The following CUX2 variants were observed in gnomAD, a reference collection of about 807,000 sequenced individuals.
The protein encoded by CUX2 is homeobox protein cut-like 2.
Under a neutral mutation model 144.8 loss-of-function variants are expected in CUX2, and 40 were observed. The observed-to-expected ratio is 0.28, with a 90% CI of 0.21 to 0.36. CUX2 has a LOEUF of 0.36. Ranked by LOEUF, CUX2 falls within the 10% of genes least tolerant of loss-of-function variation. The probability of loss-of-function intolerance (pLI) is 1.00; values close to 1 mark genes in which losing one functional copy is unlikely to be tolerated. For synonymous variants in CUX2, 827 were observed against 875.6 expected (o/e 0.94, Z 0.98); for missense variants, 1,615 against 1,994.0 (o/e 0.81, Z 3.62).
rs1192114450 is a variant in CUX2 at position 111,287,053 on chromosome 12, G to A, written c.302-4365G>A. ...AAAAGACAGAGCTTTGAAATCTATGGACCTGAATCAAAGGTCCAGCCAGCC... is the reference window on the plus strand; with the variant it reads ...AAAAGACAGAGCTTTGAAATCTATGAACCTGAATCAAAGGTCCAGCCAGCC... On this transcript the variant is annotated intron_variant, in intron 4 of 21. Coordinates refer to ENST00000261726, the MANE Select transcript of CUX2 (RefSeq NM_015267.4). This position sits in a 1 kb window ranked among gnomAD's most constrained non-coding sequence, Gnocchi z 4.2. Among the ~76,000 whole-genome samples, 1 of 152,144 alleles carries A rather than the reference G, an allele frequency of 6.6e-6. No individual in the cohort carries two copies. Among genetic ancestry groups the A allele is most frequent in the Admixed American group, 6.5e-5 (1 of 15,274 alleles).
At position 111,034,249 on chromosome 12, in the gene CUX2, G is replaced by A. The variant is rs367566718; in HGVS notation, c.63+9G>A. On this transcript the variant is annotated intron_variant, in intron 1 of 21. Transcript: ENST00000261726. The surrounding 1 kb of genome is among the most constrained non-coding windows in gnomAD (Gnocchi z 4.2). ...ATCTACGGCGACTCCAGGTTAGTGC[G>A]GGCAGCGCCGGCCGCGCGGCCGTGA... The A allele has an allele frequency of 7.4e-6, 10 of 1,351,916 alleles. No homozygotes were observed. Among genetic ancestry groups the A allele is most frequent in the Non-Finnish European group, 9.8e-6 (10 of 1,020,438 alleles). The allele number at this position is 1,351,916 out of a possible 1,614,324, so 83.7% of individuals were successfully genotyped here. A position where few individuals can be genotyped will look rare whatever the true frequency, so the allele number is the denominator to read the frequency against.
In CUX2 at chr12:111,058,823, A is replaced by G. The variant is rs372430828; in HGVS notation, c.63+24583A>G. On this transcript the variant is annotated intron_variant, in intron 1 of 21. Coordinates refer to ENST00000261726, the MANE Select transcript of CUX2 (RefSeq NM_015267.4). ...TGGTGAAAGAACAGCTACTCCATAG[A>G]CAGAGTAGGACATTCCTGAAAATAA... Among the ~76,000 whole-genome samples, 14 of 152,332 alleles carry G rather than the reference A, an allele frequency of 9.2e-5. No individual in the cohort carries two copies. In the East Asian group the frequency reaches 2.5e-3, roughly 27 times the overall value.
At position 111,073,170 on chromosome 12, in the gene CUX2, C is replaced by T. The variant is rs1299215236; in HGVS notation, c.63+38930C>T. Among the ~76,000 whole-genome samples the T allele has an allele frequency of 4.6e-5, 7 of 150,540 alleles. 1 individual carries two copies. The South Asian group carries it at 1.2e-3, about 27-fold the overall frequency. ...GGCCCTCTTAGAGGCTCCTTCGTAT[C>T]CCTTCCAGTCACTACCAACCACCCA... On this transcript the variant is annotated intron_variant, in intron 1 of 21. Coordinates refer to ENST00000261726, the MANE Select transcript of CUX2 (RefSeq NM_015267.4).
intron 1 of CUX2, among the ~76,000 whole-genome samples, chr12:111,064,730 A>G (rs1870951703): frequency 6.6e-6 from 1 of 152,164 alleles, no homozygotes; most frequent in Non-Finnish European, 1.5e-5. Context: ...GTGGGTTTCA[A>G]CCCAAGGCCT....
intron 2 of CUX2, among the ~76,000 whole-genome samples, chr12:111,216,989 G>C (rs1036079750): frequency 1.3e-5 from 2 of 152,150 alleles, no homozygotes; most frequent in African/African-American, 4.8e-5. Flanking sequence ...GGTAATTGTG[G>C]CTGATTGTGA....
intron 1 of CUX2, among the ~76,000 whole-genome samples, chr12:111,148,642 G>A (rs4766541): frequency 7.4e-4 from 113 of 152,128 alleles, no homozygotes; most frequent in Non-Finnish European, 1.6e-3. Context: ...CAGTGCGTAC[G>A]TGACACAAAG....
chr12:111,188,639 C>CG (rs752184280), intron 1 of CUX2, among the ~76,000 whole-genome samples: 55 of 151,694 alleles, frequency 3.6e-4, no homozygotes, highest in African/African-American at 5.8e-4. Flanking sequence ...ACCCAGAGAG[C>CG]GGGGGGGAAA....
chr12:111,117,854 G>A (rs1391387030), intron 1 of CUX2, among the ~76,000 whole-genome samples: 1 of 152,188 alleles, frequency 6.6e-6, no homozygotes, highest in Non-Finnish European at 1.5e-5. Context: ...GTATTTGAAT[G>A]CAGGCCAAGC....
chr12:111,230,434 C>T (rs780033059), intron 3 of CUX2, among the ~76,000 whole-genome samples: 3 of 152,126 alleles, frequency 2.0e-5, no homozygotes, highest in African/African-American at 7.2e-5. Flanking sequence ...CTCCATCCCC[C>T]ACCTCCATGT....
intron 18 of CUX2, among the ~76,000 whole-genome samples, chr12:111,332,986 T>C (rs572787941): frequency 7.8e-4 from 119 of 152,260 alleles, no homozygotes; most frequent in Non-Finnish European, 9.6e-4. Flanking sequence ...GGCAGGTAGA[T>C]CACTTGAGGT....
At chr12:111,291,324 T>C in intron 4 of CUX2, 94 bp from the exon 5 acceptor site, 1 of 1,440,494 alleles carries the variant, frequency 6.9e-7, no homozygotes, top group Non-Finnish European at 9.2e-7. Flanking sequence ...GTGACTCCGA[T>C]GGCTCCTGTG....
intron 1 of CUX2, among the ~76,000 whole-genome samples, chr12:111,130,338 T>C (rs1441385401): frequency 1.3e-5 from 2 of 152,220 alleles, no homozygotes; most frequent in African/African-American, 4.8e-5. Flanking sequence ...AGTAAGAATT[T>C]AGTAGGTTTC....
intron 1 of CUX2, among the ~76,000 whole-genome samples, chr12:111,099,200 A>G (rs1292401311): frequency 6.6e-6 from 1 of 152,212 alleles, no homozygotes; most frequent in African/African-American, 2.4e-5. Context: ...GTCCTGCCCC[A>G]GCAGAGGCAG....
At chr12:111,202,735 C>T (rs1168292958) in intron 1 of CUX2, among the ~76,000 whole-genome samples, 2 of 152,064 alleles carry the variant, frequency 1.3e-5, no homozygotes, top group Non-Finnish European at 2.9e-5. Flanking sequence ...GAAGTGACTA[C>T]ATAAATGTGT....
At chr12:111,227,831 A>G (rs1449600370) in intron 3 of CUX2, among the ~76,000 whole-genome samples, 1 of 152,122 alleles carries the variant, frequency 6.6e-6, no homozygotes, top group Non-Finnish European at 1.5e-5. Context: ...ATTTCGCAGC[A>G]TGTATTTGGC....
rs552456132 is a variant in CUX2, at chr12:111,160,050, A to G, written c.64-54150A>G. ...AAACAAAACAAAACAACAACTACAAAAAAAGCAAAAGGAGTTAGGGGATGA... is the reference window on the plus strand; with the variant it reads ...AAACAAAACAAAACAACAACTACAAGAAAAGCAAAAGGAGTTAGGGGATGA... On this transcript the variant is annotated intron_variant, in intron 1 of 21. Transcript: ENST00000261726. This position sits in a 1 kb window ranked among gnomAD's most constrained non-coding sequence, Gnocchi z 4.1. 2.6e-5 allele frequency among the ~76,000 whole-genome samples: 4 copies of G among 152,170 alleles called. No individual in the cohort carries two copies. Among genetic ancestry groups the G allele is most frequent in the Non-Finnish European group, 5.9e-5 (4 of 68,022 alleles).
chr12:111,051,120 T>C (rs1164835738), intron 1 of CUX2, among the ~76,000 whole-genome samples: 3 of 152,226 alleles, frequency 2.0e-5, no homozygotes, highest in Non-Finnish European at 4.4e-5. Flanking sequence ...ACAAATATTA[T>C]GTATCAATTA....
At chr12:111,294,448 G>A (rs574218198) in intron 6 of CUX2, among the ~76,000 whole-genome samples, 17 of 151,946 alleles carry the variant, frequency 1.1e-4, no homozygotes, top group African/African-American at 4.8e-5. Flanking sequence ...GCATGGTGGC[G>A]TGCACCTGTG....
rs10525230 is a variant in CUX2 at position 111,061,178 on chromosome 12, GCACACACACACA to G, written c.63+26965_63+26976del. Among the ~76,000 whole-genome samples the G allele has an allele frequency of 8.4e-5, 12 of 143,632 alleles. No homozygotes were observed. Among genetic ancestry groups the G allele is most frequent in the Admixed American group, 4.1e-4 (6 of 14,488 alleles). The allele number at this position is 143,632 out of a possible 152,430, so 94.2% of individuals were successfully genotyped here. ...TGTCCCCAGATGTGTGCATGCATATGCACACACACACACACACACACACACACACACACACAC... is the reference window on the plus strand; with the variant it reads ...TGTCCCCAGATGTGTGCATGCATATGCACACACACACACACACACACACAC... On this transcript the variant is annotated intron_variant, in intron 1 of 21. Coordinates refer to ENST00000261726, the MANE Select transcript of CUX2 (RefSeq NM_015267.4). This position sits in a 1 kb window ranked among gnomAD's most constrained non-coding sequence, Gnocchi z 4.2.
Sources: gnomAD v4.1 joint callset for allele counts (sites outside exome capture counted in the v4.1 genomes callset) on GRCh38, gnomAD v4.1.1 for gene constraint, Gnocchi (gnomAD v3.1) non-coding constraint, MANE v1.5 for transcripts, NCBI Gene and HGNC (gene_info 2026-07-23, HGNC 2026-07-21) for gene names.